NBPF20: variants seen among roughly 807,000 people sequenced by gnomAD.
NBPF20 encodes the protein NBPF member 20.
In NBPF20, 90 loss-of-function variants were observed where a neutral mutation model predicts 68.1. The ratio of observed to expected loss-of-function variants is 1.32; its 90% CI spans 1.11 to 1.58. The LOEUF (loss-of-function observed/expected upper bound fraction) is 1.58. Ranked by LOEUF, NBPF20 falls within the 40% of genes most tolerant of loss-of-function variation. The pLI is 0.00. For missense variants in NBPF20, 816 were observed against 601.2 expected, an observed-to-expected ratio of 1.36 and a Z score of -3.74; for synonymous variants, 290 against 228.1, an observed-to-expected ratio of 1.27 and a Z score of -2.45.
the NBPF20 span, among the ~76,000 whole-genome samples, chr1:145,413,779 CTA>C: frequency 7.8e-6 from 1 of 128,792 alleles, no homozygotes; most frequent in South Asian, 2.9e-4. Context: ...AGTGGTTATT[CTA>C]TGTCTGTCCC....
upstream of NBPF20, among the ~76,000 whole-genome samples, chr1:145,406,239 C>G (rs1217328788): frequency 4.6e-5 from 7 of 151,814 alleles, no homozygotes; most frequent in African/African-American, 1.7e-4. Flanking sequence ...CGGCCGACTT[C>G]TCTTTACTCA....
chr1:145,399,799 A>T, intron 6 of NBPF20, among the ~76,000 whole-genome samples: 3 of 134,062 alleles, frequency 2.2e-5, no homozygotes, highest in Admixed American at 7.8e-5. Context: ...AAAAAAAAAA[A>T]TCCACGATGC....
the NBPF20 span, among the ~76,000 whole-genome samples, chr1:145,419,542 G>A: frequency 5.9e-5 from 9 of 152,112 alleles, no homozygotes; most frequent in African/African-American, 1.9e-4. Context: ...CTTTCCTGCT[G>A]CTCCTTGTCC....
chr1:145,306,325 A>T (rs1661409354), intron 119 of NBPF20, among the ~76,000 whole-genome samples: 1 of 147,196 alleles, frequency 6.8e-6, no homozygotes, highest in African/African-American at 2.5e-5. Context: ...ACAGAGAGAG[A>T]GAACGAGCTC....
chr1:145,292,088 G>T lies in NBPF20; in HGVS notation c.16697+293C>A, dbSNP rs1298424065. On this transcript the variant is annotated intron_variant, in intron 137 of 137. Transcript: ENST00000369373. ...GTCCTCATGACACACAGCAAACTGTGATCATGAAAAGAGTGAGCTCAATAG... is the reference window on the plus strand; with the variant it reads ...GTCCTCATGACACACAGCAAACTGTTATCATGAAAAGAGTGAGCTCAATAG... Among the ~76,000 whole-genome samples, 10 of 149,650 alleles carry T rather than the reference G, an allele frequency of 6.7e-5. No individual in the cohort carries two copies. The East Asian group carries it at 1.9e-3, about 29-fold the overall frequency.
At chr1:145,341,079 T>C in intron 75 of NBPF20, 140 bp from the exon 81 acceptor site, 2 of 391,866 alleles carry the variant, frequency 5.1e-6, no homozygotes, top group East Asian at 3.7e-5. Flanking sequence ...AATTATTGCC[T>C]TTATGTTGGG....
the NBPF20 span, among the ~76,000 whole-genome samples, chr1:145,423,766 C>G: frequency 6.6e-6 from 1 of 151,888 alleles, no homozygotes; most frequent in African/African-American, 2.4e-5. Flanking sequence ...TTTTAACTGA[C>G]AGGCATCAGC....
At chr1:145,403,289 A>G (rs1297669180) in exon 3 of NBPF20, 1 of 1,610,780 alleles carries the variant, frequency 6.2e-7, no homozygotes, top group Non-Finnish European at 8.5e-7. Context: ...CTCAGCATAG[A>G]TTTTATGAGG....
chr1:145,417,518 G>A, the NBPF20 span, among the ~76,000 whole-genome samples: 1 of 140,288 alleles, frequency 7.1e-6, no homozygotes, highest in Non-Finnish European at 1.5e-5. Flanking sequence ...TAAGAGAATG[G>A]AAAAAGCAAG....
upstream of NBPF20, among the ~76,000 whole-genome samples, chr1:145,410,125 C>T (rs1662950385): frequency 1.3e-5 from 2 of 151,956 alleles, no homozygotes; most frequent in South Asian, 4.1e-4. Context: ...GGAGCCATAC[C>T]ATTTTTCATT....
intron 7 of NBPF20, among the ~76,000 whole-genome samples, chr1:145,398,111 A>C (rs2101559874): frequency 6.6e-6 from 1 of 152,268 alleles, no homozygotes; most frequent in African/African-American, 2.4e-5. Context: ...AAAGAGATTT[A>C]GACTCCACAC....
chr1:145,421,379 G>A, the NBPF20 span, among the ~76,000 whole-genome samples: 1 of 152,100 alleles, frequency 6.6e-6, no homozygotes, highest in Non-Finnish European at 1.5e-5. Context: ...CACATACAAA[G>A]GTTTATTTTT....
chr1:145,292,318 C>A (rs587723370), intron 137 of NBPF20, 63 bp downstream of exon 142: 1 of 631,798 alleles, frequency 1.6e-6, no homozygotes, highest in Non-Finnish European at 2.8e-6. Flanking sequence ...ACTCTGGTTT[C>A]CCTGAATCTG....
At chr1:145,419,626 T>C in the NBPF20 span, among the ~76,000 whole-genome samples, 1 of 152,026 alleles carries the variant, frequency 6.6e-6, no homozygotes, top group South Asian at 2.1e-4. Flanking sequence ...TCATTCTCAC[T>C]GGACTTCCCT....
At chr1:145,290,622 T>C (rs1320132201) in exon 138 of NBPF20, 6 of 151,054 alleles carry the variant, frequency 4.0e-5, no homozygotes, top group African/African-American at 1.5e-4. Flanking sequence ...AGCTACATTA[T>C]CTTTTTACGT....
chr1:145,404,922 A>T (rs192005864), intron 2 of NBPF20, among the ~76,000 whole-genome samples, 176 bp downstream of exon 7: 2 of 151,836 alleles, frequency 1.3e-5, no homozygotes, highest in South Asian at 4.1e-4. Flanking sequence ...AAACATGGAA[A>T]GTTGCTAAAT....
At chr1:145,415,976 CA>C in the NBPF20 span, among the ~76,000 whole-genome samples, 2 of 147,338 alleles carry the variant, frequency 1.4e-5, no homozygotes, top group African/African-American at 5.0e-5. Flanking sequence ...ACCAAAAATA[CA>C]AACATTAGCC....
At chr1:145,409,668 C>T (rs1486062811), upstream of NBPF20, among the ~76,000 whole-genome samples, 2 of 150,468 alleles carry the variant, frequency 1.3e-5, no homozygotes, top group African/African-American at 4.9e-5. Flanking sequence ...TGTGATTTAG[C>T]AGGAGACAAG....
chr1:145,334,900 T>G (rs1661562295), intron 83 of NBPF20, among the ~76,000 whole-genome samples: 2 of 132,882 alleles, frequency 1.5e-5, no homozygotes, highest in Middle Eastern at 4.7e-3. Flanking sequence ...GACACACTGA[T>G]GAAGGGGTCA....
Sources: allele counts gnomAD v4.1 joint callset (sites outside exome capture counted in the v4.1 genomes callset), GRCh38; gene constraint gnomAD v4.1.1; transcripts MANE v1.5; gene names NCBI Gene and HGNC (gene_info 2026-07-23, HGNC 2026-07-21).